PBX3: variants seen among roughly 807,000 people sequenced by gnomAD.
PBX3 encodes PBX homeobox 3, also known as pre-B-cell leukemia transcription factor 3.
PBX3 carries 14 observed loss-of-function variants against 48.5 expected under a neutral mutation model. The ratio of observed to expected loss-of-function variants is 0.29; its 90% CI spans 0.19 to 0.45. The LOEUF is 0.45. PBX3 is among the 20% of genes least tolerant of loss of function. The pLI, the probability that PBX3 is intolerant of heterozygous loss-of-function variation, is 1.00. For missense variants in PBX3, 386 were observed against 546.7 expected (o/e 0.71, Z 2.93); for synonymous variants, 210 against 200.3 (o/e 1.05, Z -0.41).
At position 125,846,491 on chromosome 9, in the gene PBX3, A is replaced by C. The variant is rs58647210; in HGVS notation, c.275-69195A>C. 2.9e-3 allele frequency among the ~76,000 whole-genome samples: 435 copies of C among 152,182 alleles called. 5 individuals are homozygous for C. In the East Asian group the frequency reaches 0.037, roughly 13 times the overall value. ...GACATTTGTAAAGATAAACACATGA[A>C]GATGGTTACCACTGCAATATTCTCC... On this transcript the variant is annotated intron_variant, in intron 2 of 8. Transcript: ENST00000373489.
At chr9:125,862,681 G>A (rs1270933668) in intron 2 of PBX3, among the ~76,000 whole-genome samples, 1 of 152,002 alleles carries the variant, frequency 6.6e-6, no homozygotes, top group Non-Finnish European at 1.5e-5. Flanking sequence ...CACTGCCCCT[G>A]GCCAGTGGTG....
chr9:125,829,365 TA>T (rs1838894485), intron 2 of PBX3, among the ~76,000 whole-genome samples: 2 of 152,196 alleles, frequency 1.3e-5, no homozygotes, highest in African/African-American at 4.8e-5. Context: ...TTTCTTTAGC[TA>T]ATATACACTT....
chr9:125,788,952 TG>T (rs1306553114), intron 2 of PBX3, among the ~76,000 whole-genome samples: 1 of 152,198 alleles, frequency 6.6e-6, no homozygotes, highest in Non-Finnish European at 1.5e-5. Context: ...CTCCCCACAC[TG>T]AATTTATTAT....
chr9:125,783,338 A>T (rs1037968103), intron 2 of PBX3, among the ~76,000 whole-genome samples: 6 of 151,812 alleles, frequency 4.0e-5, no homozygotes, highest in African/African-American at 1.5e-4. Flanking sequence ...CCCAGGCTGG[A>T]CTGCAGTGGC....
intron 5 of PBX3, 138 bp downstream of exon 5, chr9:125,935,745 C>T: frequency 1.1e-6 from 1 of 904,974 alleles, no homozygotes; most frequent in Non-Finnish European, 1.6e-6. Flanking sequence ...GATATTTCCA[C>T]AGTTTTAGGC....
intron 2 of PBX3, among the ~76,000 whole-genome samples, chr9:125,856,636 G>A (rs934250168): frequency 1.2e-4 from 19 of 152,200 alleles, no homozygotes; most frequent in African/African-American, 4.1e-4. Flanking sequence ...ATTAATCGTT[G>A]ACAAACTGCT....
chr9:125,793,366 A>AAAATATATATATATATAT (rs59271982), intron 2 of PBX3, among the ~76,000 whole-genome samples: 1 of 101,976 alleles, frequency 9.8e-6, no homozygotes, highest in African/African-American at 4.2e-5. Context: ...GGAAAAAAAA[A>AAAATATATATATATATAT]ATATATATAT....
chr9:125,907,765 C>G (rs1449579103), intron 2 of PBX3, among the ~76,000 whole-genome samples: 1 of 152,074 alleles, frequency 6.6e-6, no homozygotes, highest in Non-Finnish European at 1.5e-5. Flanking sequence ...ACTTATTTCT[C>G]TAGGTATCTG....
chr9:125,851,198 TC>T (rs1313885616), intron 2 of PBX3, among the ~76,000 whole-genome samples: 1 of 152,116 alleles, frequency 6.6e-6, no homozygotes, highest in Non-Finnish European at 1.5e-5. Flanking sequence ...TTTCATCAGT[TC>T]CTCTATCAGC....
intron 3 of PBX3, among the ~76,000 whole-genome samples, chr9:125,927,872 C>CT (rs1841613251): frequency 6.6e-6 from 1 of 152,104 alleles, no homozygotes; most frequent in Non-Finnish European, 1.5e-5. Flanking sequence ...GACCCTGACT[C>CT]TAAAAAAGAT....
intron 2 of PBX3, among the ~76,000 whole-genome samples, chr9:125,904,643 G>T (rs1841027842): frequency 6.6e-6 from 1 of 151,876 alleles, no homozygotes; most frequent in Admixed American, 6.6e-5. Flanking sequence ...ACTAGCATCA[G>T]ATTAAAGGTC....
At chr9:125,911,844 A>G (rs1177135747) in intron 2 of PBX3, among the ~76,000 whole-genome samples, 2 of 152,186 alleles carry the variant, frequency 1.3e-5, no homozygotes. Flanking sequence ...TTACTAAGTA[A>G]AAGTGATGTG....
intron 5 of PBX3, among the ~76,000 whole-genome samples, chr9:125,956,295 G>A (rs1044430424): frequency 4.6e-5 from 7 of 152,270 alleles, no homozygotes; most frequent in South Asian, 2.1e-4. Context: ...TCCAAAGCAC[G>A]TAACCATTAT....
chr9:125,955,451 C>A (rs10987058), intron 5 of PBX3, among the ~76,000 whole-genome samples: 86,406 of 151,990 alleles, frequency 0.57, 27,288 homozygotes, highest in Middle Eastern at 0.72. Context: ...TTCCCTCTGT[C>A]ACTATAAAAA....
chr9:125,947,137 T>C (rs893860233), intron 5 of PBX3, among the ~76,000 whole-genome samples: 2 of 152,200 alleles, frequency 1.3e-5, no homozygotes, highest in Middle Eastern at 3.2e-3. Flanking sequence ...AAAATTGAAA[T>C]AATTTTTCTC....
intron 2 of PBX3, among the ~76,000 whole-genome samples, chr9:125,871,179 A>G (rs1222441982): frequency 2.0e-5 from 3 of 152,104 alleles, no homozygotes; most frequent in African/African-American, 7.2e-5. Flanking sequence ...TGGGCAGATC[A>G]TGAGGTCAGG....
intron 2 of PBX3, among the ~76,000 whole-genome samples, chr9:125,770,208 T>C (rs903611126): frequency 3.3e-5 from 5 of 152,132 alleles, no homozygotes; most frequent in African/African-American, 1.2e-4. Context: ...AAATTTGAGT[T>C]CAGAAATAAC....
intron 2 of PBX3, among the ~76,000 whole-genome samples, chr9:125,839,027 G>C (rs1263136832): frequency 6.6e-6 from 1 of 152,108 alleles, no homozygotes; most frequent in Non-Finnish European, 1.5e-5. Flanking sequence ...CAGAATATGG[G>C]ATTTGGAGTC....
At chr9:125,757,481 T>G (rs557582656) in intron 2 of PBX3, among the ~76,000 whole-genome samples, 9 of 152,314 alleles carry the variant, frequency 5.9e-5, no homozygotes, top group African/African-American at 2.2e-4. Context: ...TCCAGATTAT[T>G]TATAATGTTG....
Sources: gnomAD v4.1 joint callset for allele counts (sites outside exome capture counted in the v4.1 genomes callset) on GRCh38, gnomAD v4.1.1 for gene constraint, MANE v1.5 for transcripts, NCBI Gene and HGNC (gene_info 2026-07-23, HGNC 2026-07-21) for gene names.